The following USP22 variants were observed in gnomAD, a reference collection of about 807,000 sequenced individuals.
USP22 encodes ubiquitin specific peptidase 22.
USP22 carries 22 observed loss-of-function variants against 68.1 expected under a neutral mutation model. The ratio of observed to expected loss-of-function variants is 0.32; its 90% CI spans 0.23 to 0.46. The LOEUF (loss-of-function observed/expected upper bound fraction) is 0.46, where lower values mean the gene tolerates loss of function less well. Among genes scored for constraint, USP22 ranks in the 20% least tolerant of loss-of-function variants. The pLI, the probability that USP22 is intolerant of heterozygous loss-of-function variation, is 1.00. For synonymous variants in USP22, 279 were observed against 274.2 expected, an observed-to-expected ratio of 1.02 and a Z score of -0.17; for missense variants, 433 against 695.8, an observed-to-expected ratio of 0.62 and a Z score of 4.25.
intron 1 of USP22, 87 bp downstream of exon 1, chr17:21,042,578 G>T: frequency 8.2e-7 from 1 of 1,218,754 alleles, no homozygotes; most frequent in Non-Finnish European, 1.0e-6. Context: ...GGGAAGGGAA[G>T]AGGGCAGGAA....
At chr17:21,028,939 C>T (rs1343976487) in intron 1 of USP22, among the ~76,000 whole-genome samples, 2 of 145,432 alleles carry the variant, frequency 1.4e-5, no homozygotes, top group African/African-American at 5.2e-5. Flanking sequence ...GGGGATGTTC[C>T]CCCACCTCCT....
In USP22 at chr17:21,002,952, G is replaced by GT; in HGVS notation, c.*78_*79insA. ...CGGGGAGGCGGCGGGAGACTTGGGG[G>GT]AGGGGGGGGCCAGGGAGGATCACTT... On this transcript the variant is annotated 3_prime_UTR_variant, in exon 13 of 13. Coordinates refer to ENST00000261497, the MANE Select transcript of USP22 (RefSeq NM_015276.2). 6.4e-7 allele frequency: 1 copy of GT among 1,553,360 alleles called. No individual in the cohort carries two copies. Among genetic ancestry groups the GT allele is most frequent in the Non-Finnish European group, 8.8e-7 (1 of 1,137,338 alleles).
chr17:21,028,038 T>G (rs1178582773), intron 2 of USP22, among the ~76,000 whole-genome samples: 2 of 152,166 alleles, frequency 1.3e-5, no homozygotes, highest in Non-Finnish European at 2.9e-5. Flanking sequence ...AGTTTGATTT[T>G]GTAAGGCTGT....
In USP22 at chr17:21,002,381, G is replaced by C. The variant is rs936413127; in HGVS notation, c.*650C>G. On this transcript the variant is annotated 3_prime_UTR_variant, in exon 13 of 13. Coordinates refer to ENST00000261497, the MANE Select transcript of USP22 (RefSeq NM_015276.2). Reference sequence around the variant, plus strand: ...TTTGTGGAAAAAGGAGCGGGAGAGGGATAAGAAAATGCCTGTTTCTAGAAA... The same window carrying C: ...TTTGTGGAAAAAGGAGCGGGAGAGGCATAAGAAAATGCCTGTTTCTAGAAA... The C allele has an allele frequency of 2.0e-5, 3 of 152,310 alleles. No homozygotes were observed. The highest frequency in any genetic ancestry group is 4.8e-5 in the African/African-American group (2 of 41,446). 9.4% of individuals were successfully genotyped at this position (152,310 alleles called of 1,614,324 possible). A position where few individuals can be genotyped will look rare whatever the true frequency, so the allele number is the denominator to read the frequency against.
At chr17:21,008,212 A>G (rs187579981) in intron 8 of USP22, among the ~76,000 whole-genome samples, 2 of 152,320 alleles carry the variant, frequency 1.3e-5, no homozygotes, top group Admixed American at 6.5e-5. Flanking sequence ...TTTTCCAGGA[A>G]AGGCCTGGGG....
At chr17:21,020,214 C>CCACTAT (rs1477532643) in intron 3 of USP22, among the ~76,000 whole-genome samples, 2 of 120,476 alleles carry the variant, frequency 1.7e-5, no homozygotes, top group African/African-American at 6.3e-5. Flanking sequence ...TCACTGTCAA[C>CCACTAT]CACTATGAGC....
rs780151356 is a variant in USP22 at position 21,011,243 on chromosome 17, T to C, written c.1011A>G (p.Pro337=). ...CGCTCCCTGGGCTCAGGGGCCAGAATGGGGTGGAAGAGCCGGGGAGATCCA... is the reference window on the plus strand; with the variant it reads ...CGCTCCCTGGGCTCAGGGGCCAGAACGGGGTGGAAGAGCCGGGGAGATCCA... ...ISLDLPGSST[P]FWPLSPGSEG... The change falls in exon 8 of 13, where the codon CCA becomes CCG. Residue 337 remains proline (P), a synonymous_variant. Transcript: ENST00000261497. 7.5e-6 allele frequency: 12 copies of C among 1,603,890 alleles called. No individual in the cohort carries two copies. Among genetic ancestry groups the C allele is most frequent in the Middle Eastern group, 3.3e-4 (2 of 6,072 alleles).
In USP22 at chr17:21,001,030, C is replaced by T. The variant is rs1913557774; in HGVS notation, c.*2001G>A. The stretch of plus-strand genomic sequence containing the variant: ...GTGCCACTCACTCCAGCCTGGGCAA[C>T]AAACTCCATCTCAAAAAAAAAAAAA... On this transcript the variant is annotated 3_prime_UTR_variant, in exon 13 of 13. Coordinates refer to ENST00000261497, the MANE Select transcript of USP22 (RefSeq NM_015276.2). 1 of 108,408 alleles carries T rather than the reference C, an allele frequency of 9.2e-6. No homozygotes were observed. Among genetic ancestry groups the T allele is most frequent in the African/African-American group, 3.5e-5 (1 of 28,172 alleles). The allele number at this position is 108,408 out of a possible 1,614,324, so 6.7% of individuals were successfully genotyped here.
chr17:21,015,645 T>C, intron 6 of USP22, 107 bp downstream of exon 6: 1 of 1,388,556 alleles, frequency 7.2e-7, no homozygotes, highest in Non-Finnish European at 9.5e-7. Flanking sequence ...AACAATGGAA[T>C]GTGTCACCTG....
In USP22 at chr17:21,042,885, G is replaced by A; in HGVS notation, c.-50C>T. The A allele has an allele frequency of 8.4e-7, 1 of 1,191,446 alleles. No homozygotes were observed. Among genetic ancestry groups the A allele is most frequent in the South Asian group, 3.6e-5 (1 of 27,702 alleles). 73.8% of individuals were successfully genotyped at this position (1,191,446 alleles called of 1,614,324 possible). On this transcript the variant is annotated 5_prime_UTR_variant, in exon 1 of 13. Coordinates refer to ENST00000261497, the MANE Select transcript of USP22 (RefSeq NM_015276.2). ...GGGGGGCGGCGGCGAGGGAGGCGAG[G>A]ACGACGCCAGCGCGGCGTGGGGGCT...
At chr17:21,017,670 G>A (rs1972105583) in intron 5 of USP22, among the ~76,000 whole-genome samples, 1 of 152,220 alleles carries the variant, frequency 6.6e-6, no homozygotes, top group Non-Finnish European at 1.5e-5. Context: ...CCCGTCTTTA[G>A]AGACAAATGT....
intron 8 of USP22, 49 bp downstream of exon 8, chr17:21,011,102 C>T: frequency 6.5e-7 from 1 of 1,531,798 alleles, no homozygotes; most frequent in Non-Finnish European, 8.8e-7. Context: ...TGGAGCACAG[C>T]CTTCTGGCCA....
intron 3 of USP22, among the ~76,000 whole-genome samples, chr17:21,020,453 G>C (rs1972143379): frequency 6.6e-6 from 1 of 151,978 alleles, no homozygotes; most frequent in Non-Finnish European, 1.5e-5. Context: ...GGATCTGACT[G>C]TGCAGTGGGG....
intron 7 of USP22, chr17:21,011,539 T>C: frequency 2.0e-6 from 1 of 508,612 alleles, no homozygotes; most frequent in South Asian, 2.1e-5. Context: ...CGAGGGGCGC[T>C]CCTCAAGCAA....
At chr17:21,035,029 G>A (rs1972336628) in intron 1 of USP22, among the ~76,000 whole-genome samples, 1 of 152,188 alleles carries the variant, frequency 6.6e-6, no homozygotes, top group Admixed American at 6.5e-5. Context: ...AACAGGAAAT[G>A]AGGAAGCCCA....
intron 1 of USP22, among the ~76,000 whole-genome samples, chr17:21,039,334 T>C (rs557053914): frequency 6.6e-6 from 1 of 151,494 alleles, no homozygotes; most frequent in African/African-American, 2.4e-5. Flanking sequence ...TCCCAGCACT[T>C]TGGGAGGCCA....
chr17:21,034,159 G>A (rs1972326707), intron 1 of USP22, among the ~76,000 whole-genome samples: 1 of 152,022 alleles, frequency 6.6e-6, no homozygotes. Context: ...AAAAACCTCA[G>A]CTTCCAGACT....
chr17:20,999,688 A>G lies in USP22; in HGVS notation c.*3343T>C, dbSNP rs1913491811. On this transcript the variant is annotated 3_prime_UTR_variant, in exon 13 of 13. Coordinates refer to ENST00000261497, the MANE Select transcript of USP22 (RefSeq NM_015276.2). ...CACAGCTCCTCAAAATGGAAGGGGA[A>G]AGGAAGAGTAAACATCTTGGTAAAT... 6.6e-6 allele frequency: 1 copy of G among 152,212 alleles called. No homozygotes were observed. Among genetic ancestry groups the G allele is most frequent in the Non-Finnish European group, 1.5e-5 (1 of 68,048 alleles). The allele number at this position is 152,212 out of a possible 1,614,324, so 9.4% of individuals were successfully genotyped here.
chr17:21,040,081 T>C (rs1459525987), intron 1 of USP22, among the ~76,000 whole-genome samples: 2 of 152,118 alleles, frequency 1.3e-5, no homozygotes, highest in African/African-American at 2.4e-5. Flanking sequence ...TCCCAGCTAC[T>C]CAGGAGAGGC....
Sources: gnomAD v4.1 joint callset for allele counts (sites outside exome capture counted in the v4.1 genomes callset) on GRCh38, gnomAD v4.1.1 for gene constraint, MANE v1.5 for transcripts, NCBI Gene and HGNC (gene_info 2026-07-23, HGNC 2026-07-21) for gene names.